The following CIAO1 variants were observed in gnomAD, a reference collection of about 807,000 sequenced individuals.
The protein encoded by CIAO1 is probable cytosolic iron-sulfur protein assembly protein CIAO1.
CIAO1 carries 32 observed loss-of-function variants against 43.1 expected under a neutral mutation model. That is an observed-to-expected ratio of 0.74 (90% confidence interval 0.56 to 1.00). CIAO1 has a LOEUF of 1.00. CIAO1 is among the 50% of genes least tolerant of loss of function. The pLI, the probability that CIAO1 is intolerant of heterozygous loss-of-function variation, is 0.00. For synonymous variants in CIAO1, 183 were observed against 171.4 expected, an observed-to-expected ratio of 1.07 and a Z score of -0.53; for missense variants, 415 against 437.4, an observed-to-expected ratio of 0.95 and a Z score of 0.46.
intron 2 of CIAO1, 56 bp downstream of exon 2, chr2:96,267,525 C>A: frequency 6.2e-7 from 1 of 1,609,988 alleles, no homozygotes; most frequent in South Asian, 1.1e-5. Context: ...AGGGCTGGTT[C>A]AGGAACCTGA....
intron 1 of CIAO1, among the ~76,000 whole-genome samples, 175 bp from the exon 2 acceptor site, chr2:96,267,134 CAAAAAAAAAAAA>C (rs1183454827): frequency 6.4e-3 from 235 of 36,814 alleles, no homozygotes; most frequent in South Asian, 0.012. Flanking sequence ...AACTCCGTCT[CAAAAAAAAAAAA>C]AAAAAAAAAA....
intron 6 of CIAO1, among the ~76,000 whole-genome samples, chr2:96,269,587 C>T (rs1331072703): frequency 4.6e-5 from 7 of 152,166 alleles, no homozygotes; most frequent in Non-Finnish European, 8.8e-5. Context: ...GCTAGAGGTT[C>T]GCACAGCTCG....
At chr2:96,270,164 G>A (rs1684518285) in intron 6 of CIAO1, among the ~76,000 whole-genome samples, 1 of 152,178 alleles carries the variant, frequency 6.6e-6, no homozygotes, top group African/African-American at 2.4e-5. Flanking sequence ...AGTAAATTAT[G>A]GTAGAACTCA....
chr2:96,270,745 G>T (rs1276625232), intron 6 of CIAO1, among the ~76,000 whole-genome samples: 1 of 151,302 alleles, frequency 6.6e-6, no homozygotes, highest in Non-Finnish European at 1.5e-5. Context: ...GGGAGGGGGA[G>T]GTTGCAGTCA....
At chr2:96,267,802 G>T (rs930825247) in intron 3 of CIAO1, 34 bp from the exon 4 acceptor site, 4 of 1,612,454 alleles carry the variant, frequency 2.5e-6, no homozygotes, top group African/African-American at 1.3e-5. Flanking sequence ...CCCTGACAGG[G>T]TCGGCTCTTG....
At chr2:96,267,796 G>A in intron 3 of CIAO1, 40 bp from the exon 4 acceptor site, 1 of 1,612,602 alleles carries the variant, frequency 6.2e-7, no homozygotes, top group Non-Finnish European at 8.5e-7. Context: ...CTGTGTCCCT[G>A]ACAGGGTCGG....
At chr2:96,270,434 G>A (rs1377250200) in intron 6 of CIAO1, among the ~76,000 whole-genome samples, 4 of 151,968 alleles carry the variant, frequency 2.6e-5, no homozygotes, top group Admixed American at 1.3e-4. Context: ...CCCGGGAGGC[G>A]GAGGTTGCAG....
intron 5 of CIAO1, 125 bp from the exon 6 acceptor site, chr2:96,269,143 G>A (rs1684494577): frequency 3.8e-6 from 3 of 780,528 alleles, no homozygotes; most frequent in Non-Finnish European, 6.7e-6. Context: ...GCAGGGATGG[G>A]GACACGAACG....
rs531240963 is a variant in CIAO1 at position 96,273,849 on chromosome 2, A to T, written c.*2498A>T. Among the ~76,000 whole-genome samples, 1 of 151,912 alleles carries T rather than the reference A, an allele frequency of 6.6e-6. No individual in the cohort carries two copies. The highest frequency in any genetic ancestry group is 1.9e-4 in the East Asian group (1 of 5,160). On this transcript the variant is annotated 3_prime_UTR_variant, in exon 7 of 7. Coordinates refer to ENST00000488633, the MANE Select transcript of CIAO1 (RefSeq NM_004804.3). ...GAATTCAACTGTTTATTATAACAAG[A>T]TACTAAAGAGACTGTAAAATGCCAC... is the stretch of plus-strand genomic sequence containing the variant.
In CIAO1 at chr2:96,273,742, AT is replaced by A. The variant is rs1684600726; in HGVS notation, c.*2395del. On this transcript the variant is annotated 3_prime_UTR_variant, in exon 7 of 7. Coordinates refer to ENST00000488633, the MANE Select transcript of CIAO1 (RefSeq NM_004804.3). ...ATAGCCACAATTAGCTGAAAAGGCT[AT>A]TTTAAAAACTTTTCCAACTGCGTAT... is the stretch of plus-strand genomic sequence containing the variant. Among the ~76,000 whole-genome samples, 1 of 151,714 alleles carries A rather than the reference AT, an allele frequency of 6.6e-6. No homozygotes were observed. Among genetic ancestry groups the A allele is most frequent in the Non-Finnish European group, 1.5e-5 (1 of 67,960 alleles).
rs1297217166 is a variant in CIAO1 at position 96,273,902 on chromosome 2, ATTC to A, written c.*2555_*2557del. ...TTCTCCTTGGATTGTTTTGGAAGTT[ATTC>A]TTCATAAAAAATGTTAACGTGGGCT... On this transcript the variant is annotated 3_prime_UTR_variant, in exon 7 of 7. Coordinates refer to ENST00000488633, the MANE Select transcript of CIAO1 (RefSeq NM_004804.3). 6.6e-6 allele frequency among the ~76,000 whole-genome samples: 1 copy of A among 151,570 alleles called. No homozygotes were observed. The highest frequency in any genetic ancestry group is 6.6e-5 in the Admixed American group (1 of 15,188).
rs1684589086 is a variant in CIAO1 at position 96,273,307 on chromosome 2, TA to T, written c.*1958del. 10 of 152,352 alleles carry T rather than the reference TA, an allele frequency of 6.6e-5. No homozygotes were observed. In the South Asian group the frequency reaches 2.1e-3, roughly 32 times the overall value. The allele number at this position is 152,352 out of a possible 1,614,324, so 9.4% of individuals were successfully genotyped here. On this transcript the variant is annotated 3_prime_UTR_variant, in exon 7 of 7. Coordinates refer to ENST00000488633, the MANE Select transcript of CIAO1 (RefSeq NM_004804.3). ...AAGTGTAAGACAGGCCAGTGGATTT[TA>T]ATGTATTAACAATATAAGAGTGCAT...
At position 96,269,264 on chromosome 2, in the gene CIAO1, G is replaced by A. The variant is rs1684498224; in HGVS notation, c.692-4G>A. ...TTTAAGGGCAAGAGAAGTCTGTCTT[G>A]CAGGGGTGGCATGCAGCGGCTCTGA... is the stretch of plus-strand genomic sequence containing the variant. On this transcript the variant is annotated splice_polypyrimidine_tract_variant and splice_region_variant and intron_variant, in intron 5 of 6. Transcript: ENST00000488633. 1 of 1,614,052 alleles carries A rather than the reference G, an allele frequency of 6.2e-7. No homozygotes were observed. The highest frequency in any genetic ancestry group is 1.1e-5 in the South Asian group (1 of 91,086).
At chr2:96,269,124 G>T in intron 5 of CIAO1, 144 bp from the exon 6 acceptor site, 1 of 704,612 alleles carries the variant, frequency 1.4e-6, no homozygotes, top group South Asian at 1.7e-5. Context: ...TAGTGTGTAA[G>T]GCAGATAAGC....
chr2:96,267,709 C>A lies in CIAO1; in HGVS notation c.373C>A (p.Arg125=), dbSNP rs142274680. 1.4e-5 allele frequency: 23 copies of A among 1,614,040 alleles called. No individual in the cohort carries two copies. The highest frequency in any genetic ancestry group is 3.3e-5 in the Admixed American group (2 of 60,004). Reference sequence around the variant, plus strand: ...TGGCAACCTCCTGGCCACTTGCAGCCGAGATAAGAGCGTTTGGGTCTGGGA... The same window carrying A: ...TGGCAACCTCCTGGCCACTTGCAGCAGAGATAAGAGCGTTTGGGTCTGGGA... ...PSGNLLATCS[R]DKSVWVWEVD... The change falls in exon 3 of 7, where the codon CGA becomes AGA. Residue 125 remains arginine, a synonymous_variant. Transcript: ENST00000488633.
chr2:96,271,399 T>C lies in CIAO1; in HGVS notation c.*48T>C. ...TAATGACTCCCCAGAAAACGTCATA[T>C]AAGACTTTACCAGCCCCTGAGAGGA... is the stretch of plus-strand genomic sequence containing the variant. On this transcript the variant is annotated 3_prime_UTR_variant, in exon 7 of 7. Coordinates refer to ENST00000488633, the MANE Select transcript of CIAO1 (RefSeq NM_004804.3). 1 of 1,595,210 alleles carries C rather than the reference T, an allele frequency of 6.3e-7. No homozygotes were observed. The highest frequency in any genetic ancestry group is 8.5e-7 in the Non-Finnish European group (1 of 1,170,586).
intron 4 of CIAO1, 136 bp from the exon 5 acceptor site, chr2:96,268,321 C>T (rs1684477441): frequency 2.6e-6 from 2 of 768,106 alleles, no homozygotes; most frequent in Non-Finnish European, 2.1e-6. Context: ...TATTGCACTC[C>T]AGCCTGGGCA....
intron 5 of CIAO1, 187 bp from the exon 6 acceptor site, chr2:96,269,081 C>G: frequency 1.6e-6 from 1 of 622,416 alleles, no homozygotes; most frequent in Non-Finnish European, 2.9e-6. Flanking sequence ...GATGTTTCCT[C>G]GGAATTCTGC....
chr2:96,268,320 C>T (rs1684477392), intron 4 of CIAO1, 137 bp from the exon 5 acceptor site: 2 of 764,992 alleles, frequency 2.6e-6, no homozygotes, highest in South Asian at 3.5e-5. Context: ...CTATTGCACT[C>T]CAGCCTGGGC....
Sources: gnomAD v4.1 joint callset for allele counts (sites outside exome capture counted in the v4.1 genomes callset) on GRCh38, gnomAD v4.1.1 for gene constraint, MANE v1.5 for transcripts, NCBI Gene and HGNC (gene_info 2026-07-23, HGNC 2026-07-21) for gene names.